The following CYB5R2 variants were observed in gnomAD, a reference collection of about 807,000 sequenced individuals.
CYB5R2 encodes the protein cytochrome b5 reductase 2.
Under a neutral mutation model 29.8 loss-of-function variants are expected in CYB5R2, and 35 were observed. The observed-to-expected ratio is 1.17, with a 90% CI of 0.90 to 1.56. The LOEUF is 1.56. Among genes scored for constraint, CYB5R2 ranks in the 40% most tolerant of loss-of-function variants. The pLI is 0.00. For synonymous variants in CYB5R2, 169 were observed against 130.6 expected (o/e 1.29, Z -2.01); for missense variants, 419 against 346.7 (o/e 1.21, Z -1.66).
chr11:7,667,594 G>A, intron 7 of CYB5R2, 134 bp downstream of exon 7: 2 of 808,898 alleles, frequency 2.5e-6, no homozygotes, highest in Admixed American at 1.9e-5. Context: ...CAGCAGCCCT[G>A]TTGATCCCAC....
At position 7,668,466 on chromosome 11, in the gene CYB5R2, GAAGCC is replaced by G; in HGVS notation, c.472+7_472+11del. On this transcript the variant is annotated splice_region_variant and intron_variant, in intron 6 of 8. Transcript: ENST00000299498. Reference sequence around the variant, plus strand: ...GCTCACTCTCTGGATGGAGCCCCTAGAAGCCTCTTACCTGTGCCCCCAGCAATCAT... The same window carrying G: ...GCTCACTCTCTGGATGGAGCCCCTAGTCTTACCTGTGCCCCCAGCAATCAT... 4 of 1,609,562 alleles carry G rather than the reference GAAGCC, an allele frequency of 2.5e-6. No homozygotes were observed. The highest frequency in any genetic ancestry group is 3.4e-6 in the Non-Finnish European group (4 of 1,175,844).
rs1391370971 is a variant in CYB5R2, at chr11:7,665,359, G to A, written c.*15C>T. The A allele has an allele frequency of 5.0e-5, 73 of 1,468,406 alleles. No homozygotes were observed. The highest frequency in any genetic ancestry group is 6.6e-5 in the Non-Finnish European group (73 of 1,105,014). The allele number at this position is 1,468,406 out of a possible 1,614,324, so 91.0% of individuals were successfully genotyped here. A position where few individuals can be genotyped will look rare whatever the true frequency, so the allele number is the denominator to read the frequency against. ...ATGAAAAGGGACATGCAAAATTGCT[G>A]AGCACGTGGAGGTGTTAGTAGGTGA... is the stretch of plus-strand genomic sequence containing the variant. On this transcript the variant is annotated 3_prime_UTR_variant, in exon 9 of 9. Coordinates refer to ENST00000299498, the MANE Select transcript of CYB5R2 (RefSeq NM_016229.5).
At chr11:7,673,688 T>A (rs890453531), upstream of CYB5R2, 33 of 984,784 alleles carry the variant, frequency 3.4e-5, no homozygotes, top group African/African-American at 5.3e-4. Context: ...TCTTCAATAC[T>A]CCATAAATAC....
chr11:7,668,278 G>A (rs1021837657), intron 6 of CYB5R2, among the ~76,000 whole-genome samples, 200 bp downstream of exon 6: 1 of 152,208 alleles, frequency 6.6e-6, no homozygotes, highest in Non-Finnish European at 1.5e-5. Context: ...TCCCCACAAG[G>A]CTCCTGAGCA....
chr11:7,665,522 A>G lies in CYB5R2; in HGVS notation c.683T>C (p.Val228Ala). ...PIGWKYSSGFVTADMIKEHLP... is the reference protein window; with the variant it reads ...PIGWKYSSGFATADMIKEHLP... Reference sequence around the variant, plus strand: ...GTGCTCCTTGATCATGTCGGCAGTAACGAAGCCTGAGCTGTACTTCCAGCC... The same window carrying G: ...GTGCTCCTTGATCATGTCGGCAGTAGCGAAGCCTGAGCTGTACTTCCAGCC... The change falls in exon 9 of 9, where the codon GTT becomes GCT. Residue 228 changes from valine to alanine, a missense_variant. By Grantham distance (64) the Val-to-Ala change is moderately conservative. Coordinates refer to ENST00000299498, the MANE Select transcript of CYB5R2 (RefSeq NM_016229.5). 6.2e-7 allele frequency: 1 copy of G among 1,611,412 alleles called. No homozygotes were observed. Among genetic ancestry groups the G allele is most frequent in the Non-Finnish European group, 8.5e-7 (1 of 1,178,826 alleles).
At position 7,672,865 on chromosome 11, in the gene CYB5R2, G is replaced by A. The variant is rs1424355801; in HGVS notation, c.-40C>T. The A allele has an allele frequency of 3.7e-6, 6 of 1,613,720 alleles. No homozygotes were observed. Among genetic ancestry groups the A allele is most frequent in the Middle Eastern group, 1.6e-4 (1 of 6,084 alleles). ...ACACGAGCACAGTGACCCCAGTGAC[G>A]GTGATGGTCAGGAGCAGGGACGGGT... On this transcript the variant is annotated 5_prime_UTR_variant, in exon 2 of 9. Transcript: ENST00000299498.
intron 4 of CYB5R2, 51 bp from the exon 5 acceptor site, chr11:7,669,385 C>G: frequency 6.4e-7 from 1 of 1,561,578 alleles, no homozygotes; most frequent in Non-Finnish European, 8.7e-7. Context: ...AATGCCACAG[C>G]CACGTACAAC....
At chr11:7,673,938 G>A, upstream of CYB5R2, 6 of 1,001,470 alleles carry the variant, frequency 6.0e-6, no homozygotes, top group Non-Finnish European at 7.1e-6. Context: ...CGTGGTCGGG[G>A]GGCTCTCACT....
At chr11:7,665,570 C>G (rs745906198) in intron 8 of CYB5R2, 24 bp from the exon 9 acceptor site, 2 of 1,579,562 alleles carry the variant, frequency 1.3e-6, no homozygotes, top group Non-Finnish European at 1.7e-6. Flanking sequence ...GATGCAGGAG[C>G]AAGCTGAGCG....
chr11:7,670,297 G>A (rs1855647045), intron 3 of CYB5R2: 1 of 152,860 alleles, frequency 6.5e-6, no homozygotes, highest in Non-Finnish European at 1.5e-5. Flanking sequence ...AGGCTGCAGT[G>A]AGCTGAGACT....
chr11:7,672,254 C>G (rs1157701438), intron 3 of CYB5R2, 197 bp downstream of exon 3: 2 of 571,844 alleles, frequency 3.5e-6, no homozygotes, highest in African/African-American at 3.8e-5. Flanking sequence ...CTCGTGTCAG[C>G]CCAATTGGAA....
In CYB5R2 at chr11:7,667,794, C is replaced by T. The variant is rs376383319; in HGVS notation, c.492G>A (p.Gln164=). 52 of 1,614,058 alleles carry T rather than the reference C, an allele frequency of 3.2e-5. No individual in the cohort carries two copies. The highest frequency in any genetic ancestry group is 9.9e-5 in the South Asian group (9 of 91,080). ...GGTCCTTGGTGATGTGGCGAATGAG[C>T]TGCAACATGGGTGTGATGCCTGGAA... The part of the protein sequence containing the change: ...AGGTGITPML[Q]LIRHITKDPS... Residue 164 remains glutamine (Q), a synonymous_variant, in exon 7 of 9, where the codon CAG becomes CAA. Coordinates refer to ENST00000299498, the MANE Select transcript of CYB5R2 (RefSeq NM_016229.5).
chr11:7,672,003 T>G (rs1855770977), intron 3 of CYB5R2: 1 of 158,636 alleles, frequency 6.3e-6, no homozygotes, highest in African/African-American at 2.4e-5. Context: ...CACTGGTTCC[T>G]CCCATCCCTC....
In CYB5R2 at chr11:7,672,737, T is replaced by C; in HGVS notation, c.78+11A>G. On this transcript the variant is annotated intron_variant, in intron 2 of 8. Transcript: ENST00000299498. Reference sequence around the variant, plus strand: ...ACTTACTGCCTTCCACCCACAGGGCTGACCCATTACCTCTTTCTCAATCAA... The same window carrying C: ...ACTTACTGCCTTCCACCCACAGGGCCGACCCATTACCTCTTTCTCAATCAA... 6.2e-7 allele frequency: 1 copy of C among 1,614,198 alleles called. No homozygotes were observed. Among genetic ancestry groups the C allele is most frequent in the Non-Finnish European group, 8.5e-7 (1 of 1,180,030 alleles).
In CYB5R2 at chr11:7,669,703, G is replaced by A. The variant is rs144288987; in HGVS notation, c.180C>T (p.Ile60=). The A allele has an allele frequency of 1.7e-5, 27 of 1,613,922 alleles. No individual in the cohort carries two copies. The highest frequency in any genetic ancestry group is 6.7e-5 in the African/African-American group (5 of 74,910). The change falls in exon 4 of 9, where the codon ATC becomes ATT. Residue 60 remains isoleucine (I), a synonymous_variant. Coordinates refer to ENST00000299498, the MANE Select transcript of CYB5R2 (RefSeq NM_016229.5). ...AAGCCCTGACCACCAATTCATTATC[G>A]ATTTTTGCCAAGAGCTGGACATAGT... is the stretch of plus-strand genomic sequence containing the variant. ...VGNYVQLLAK[I]DNELVVRAYT...
Position 7,673,486 on chromosome 11 carries a change from G to A in CYB5R2, c.-134C>T. ...GGGAAAGTTGCCTCTCCTCCCGCCG[G>A]GTCACTGGAGTCTCAGCCTTCCGGA... On this transcript the variant is annotated 5_prime_UTR_variant, in exon 1 of 9. Transcript: ENST00000299498. The A allele has an allele frequency of 1.0e-6, 1 of 986,400 alleles. No homozygotes were observed. Among genetic ancestry groups the A allele is most frequent in the South Asian group, 4.7e-5 (1 of 21,330 alleles). 61.1% of individuals were successfully genotyped at this position (986,400 alleles called of 1,614,324 possible).
At chr11:7,673,978 C>T, upstream of CYB5R2, 1 of 1,107,206 alleles carries the variant, frequency 9.0e-7, no homozygotes. Context: ...GTCAGCCCTG[C>T]CCCCAGGGCA....
Position 7,665,383 on chromosome 11 carries a change from GA to G in CYB5R2, c.821del (p.Phe274SerfsTer54). The G allele has an allele frequency of 1.3e-6, 2 of 1,570,184 alleles. No individual in the cohort carries two copies. The highest frequency in any genetic ancestry group is 1.7e-6 in the Non-Finnish European group (2 of 1,160,250). On this transcript the variant is annotated frameshift_variant, in exon 9 of 9. Coordinates refer to ENST00000299498, the MANE Select transcript of CYB5R2 (RefSeq NM_016229.5). LOFTEE classifies it high-confidence loss of function. ...TGAGCACGTGGAGGTGTTAGTAGGT[GA>G]AAATCATGTCCTGGGTATAACCCAG... is the stretch of plus-strand genomic sequence containing the variant. ...EKLGYTQDMI[F>X]TY
intron 5 of CYB5R2, chr11:7,668,985 G>C (rs1565153020): frequency 1.5e-6 from 1 of 684,510 alleles, no homozygotes. Context: ...ATACAATGAC[G>C]AGGAAACACC....
Sources: allele counts gnomAD v4.1 joint callset (sites outside exome capture counted in the v4.1 genomes callset), GRCh38; gene constraint gnomAD v4.1.1; transcripts MANE v1.5; gene names NCBI Gene and HGNC (gene_info 2026-07-23, HGNC 2026-07-21).